KIRREL3: variants seen among roughly 807,000 people sequenced by gnomAD.
KIRREL3 encodes kirre like nephrin family adhesion molecule 3.
KIRREL3 carries 36 observed loss-of-function variants against 89.7 expected under a neutral mutation model. The observed-to-expected ratio is 0.40, with a 90% CI of 0.31 to 0.53. KIRREL3 has a LOEUF of 0.53. Ranked by LOEUF, KIRREL3 falls within the 20% of genes least tolerant of loss-of-function variation. The probability of loss-of-function intolerance (pLI) is 0.49; values close to 1 mark genes in which losing one functional copy is unlikely to be tolerated. For missense variants in KIRREL3, 864 were observed against 1,056.6 expected (o/e 0.82, Z 2.53); for synonymous variants, 445 against 441.4 (o/e 1.01, Z -0.10).
chr11:126,662,908 T>TTC (rs1311190382), intron 1 of KIRREL3, among the ~76,000 whole-genome samples: 17 of 137,726 alleles, frequency 1.2e-4, no homozygotes, highest in African/African-American at 4.1e-4. Context: ...AGTCCTTTCT[T>TTC]TTTTTTTTTT....
chr11:126,456,439 T>C lies in KIRREL3; in HGVS notation c.758A>G (p.Asn253Ser), dbSNP rs913446673. ...TIDIQHPPLV[N>S]LSVEPQPVLE... ...CACTGGCTGTGGCTCCACCGAGAGG[T>C]TGACCAGTGGAGGGTCTGCAGGGAG... is the stretch of plus-strand genomic sequence containing the variant. Residue 253 changes from asparagine (N) to serine (S), a missense_variant, in exon 7 of 17, where the codon AAC becomes AGC. Asn to Ser is a conservative substitution (Grantham distance 46). Transcript: ENST00000525144. The C allele has an allele frequency of 5.7e-6, 9 of 1,574,542 alleles. No individual in the cohort carries two copies. The highest frequency in any genetic ancestry group is 1.2e-5 in the South Asian group (1 of 85,448).
At chr11:126,470,567 C>G (rs181576137) in intron 5 of KIRREL3, among the ~76,000 whole-genome samples, 1 of 152,216 alleles carries the variant, frequency 6.6e-6, no homozygotes, top group African/African-American at 2.4e-5. Flanking sequence ...CTCACATCCT[C>G]GGATGACCAA....
At chr11:126,698,880 G>A (rs1947203189) in intron 1 of KIRREL3, among the ~76,000 whole-genome samples, 1 of 152,238 alleles carries the variant, frequency 6.6e-6, no homozygotes, top group Non-Finnish European at 1.5e-5. Context: ...CCAAGTCACT[G>A]CCCTTCGTGC....
In KIRREL3 at chr11:126,749,746, A is replaced by G. The variant is rs188739216; in HGVS notation, c.56-186834T>C. Among the ~76,000 whole-genome samples the G allele has an allele frequency of 5.1e-3, 783 of 152,244 alleles. 6 individuals are homozygous for G. Among genetic ancestry groups the G allele is most frequent in the African/African-American group, 0.017 (713 of 41,538 alleles). ...CAAATATTAAGGGGTGGAGGTGAGG[A>G]AGGTGAAAGTGACTGCTGTGATCAT... On this transcript the variant is annotated intron_variant, in intron 1 of 16. Transcript: ENST00000525144.
chr11:126,662,277 T>C (rs1450168623), intron 1 of KIRREL3, among the ~76,000 whole-genome samples: 1 of 152,150 alleles, frequency 6.6e-6, no homozygotes, highest in African/African-American at 2.4e-5. Context: ...GTAAATGACT[T>C]TGGGGAGTCT....
chr11:126,880,683 T>C (rs1321664306), intron 1 of KIRREL3, among the ~76,000 whole-genome samples: 19 of 151,982 alleles, frequency 1.3e-4, no homozygotes, highest in African/African-American at 3.6e-4. Flanking sequence ...GCACTGCATG[T>C]TTACACTTAG....
Position 126,755,480 on chromosome 11 carries a change from CT to C in KIRREL3, c.56-192569del, listed in dbSNP as rs1949462215. On this transcript the variant is annotated intron_variant, in intron 1 of 16. Transcript: ENST00000525144. The surrounding 1 kb of genome is among the most constrained non-coding windows in gnomAD (Gnocchi z 4.3). Reference sequence around the variant, plus strand: ...ACTCTGATGCGAAATGAGAACCGGACTGGATAAAGCCACCTCTTCCCATTGC... The same window carrying C: ...ACTCTGATGCGAAATGAGAACCGGACGGATAAAGCCACCTCTTCCCATTGC... Among the ~76,000 whole-genome samples, 1 of 152,152 alleles carries C rather than the reference CT, an allele frequency of 6.6e-6. No homozygotes were observed. Among genetic ancestry groups the C allele is most frequent in the African/African-American group, 2.4e-5 (1 of 41,428 alleles).
At chr11:126,831,759 T>C (rs1565335586) in intron 1 of KIRREL3, among the ~76,000 whole-genome samples, 1 of 152,160 alleles carries the variant, frequency 6.6e-6, no homozygotes, top group Non-Finnish European at 1.5e-5. Context: ...GGGATCCTAA[T>C]GCCTTTCTAT....
At chr11:126,554,502 C>T (rs1939552838) in intron 2 of KIRREL3, among the ~76,000 whole-genome samples, 1 of 152,162 alleles carries the variant, frequency 6.6e-6, no homozygotes, top group African/African-American at 2.4e-5. Context: ...TTCCTCCTCT[C>T]CAGGTGACTG....
rs1039008447 is a variant in KIRREL3 at position 126,993,989 on chromosome 11, C to T, written c.55+6466G>A. On this transcript the variant is annotated intron_variant, in intron 1 of 16. Transcript: ENST00000525144. This position sits in a 1 kb window ranked among gnomAD's most constrained non-coding sequence, Gnocchi z 6.1. ...ACCATCTAGATAATTCAGCATGATG[C>T]GCACACATCCTTTCTTATACTGACA... 1.3e-5 allele frequency among the ~76,000 whole-genome samples: 2 copies of T among 152,078 alleles called. No individual in the cohort carries two copies. The highest frequency in any genetic ancestry group is 4.8e-5 in the African/African-American group (2 of 41,390).
chr11:126,857,257 C>T (rs1944549156), intron 1 of KIRREL3, among the ~76,000 whole-genome samples: 1 of 152,230 alleles, frequency 6.6e-6, no homozygotes, highest in Non-Finnish European at 1.5e-5. Flanking sequence ...GTGTGCCTTG[C>T]TCCAATGGAC....
chr11:126,756,465 T>TATGGCA, intron 1 of KIRREL3, among the ~76,000 whole-genome samples: 1 of 152,280 alleles, frequency 6.6e-6, no homozygotes, highest in South Asian at 2.1e-4. Flanking sequence ...CCCATGCCAG[T>TATGGCA]ATGGCAGGTC....
chr11:126,457,185 A>ATGTGTGTGTGTGTGTGTGTGTG (rs35883463), intron 6 of KIRREL3, among the ~76,000 whole-genome samples: 2 of 142,928 alleles, frequency 1.4e-5, no homozygotes, highest in Admixed American at 6.9e-5. Context: ...AAGAGAGATT[A>ATGTGTGTGTGTGTGTGTGTGTG]TGTGTGTGTG....
intron 1 of KIRREL3, among the ~76,000 whole-genome samples, chr11:126,889,504 A>G (rs1456191836): frequency 6.6e-6 from 1 of 152,170 alleles, no homozygotes; most frequent in Admixed American, 6.5e-5. Flanking sequence ...TTCTTGGAAA[A>G]AAAAAGGAGA....
At position 126,471,387 on chromosome 11, in the gene KIRREL3, TAAATA is replaced by T. The variant is rs1956887590; in HGVS notation, c.591+1917_591+1921del. On this transcript the variant is annotated intron_variant, in intron 5 of 16. Coordinates refer to ENST00000525144, the MANE Select transcript of KIRREL3 (RefSeq NM_032531.4). The surrounding 1 kb of genome is among the most constrained non-coding windows in gnomAD (Gnocchi z 5.4). ...CTCTGTCTCAAAATAAATAAATAAA[TAAATA>T]AAATAAATAAAAAATAAAAAAAGAA... is the stretch of plus-strand genomic sequence containing the variant. 6.8e-6 allele frequency among the ~76,000 whole-genome samples: 1 copy of T among 146,170 alleles called. No homozygotes were observed. Among genetic ancestry groups the T allele is most frequent in the Non-Finnish European group, 1.5e-5 (1 of 66,374 alleles).
chr11:126,819,617 G>T lies in KIRREL3; in HGVS notation c.55+180838C>A, dbSNP rs1943138834. Among the ~76,000 whole-genome samples, 4 of 152,192 alleles carry T rather than the reference G, an allele frequency of 2.6e-5. No individual in the cohort carries two copies. The South Asian group carries it at 8.3e-4, about 31-fold the overall frequency. On this transcript the variant is annotated intron_variant, in intron 1 of 16. Coordinates refer to ENST00000525144, the MANE Select transcript of KIRREL3 (RefSeq NM_032531.4). ...CGATGGCATTAGGTGCTTTGGGCGG[G>T]GCTCAGGCCAGACTTTGCAAGACAC...
At chr11:126,470,307 T>C (rs1292900877) in intron 5 of KIRREL3, among the ~76,000 whole-genome samples, 2 of 152,176 alleles carry the variant, frequency 1.3e-5, no homozygotes, top group Non-Finnish European at 1.5e-5. Flanking sequence ...TGGACAACTC[T>C]CTCTCTGTGT....
At position 126,761,561 on chromosome 11, in the gene KIRREL3, G is replaced by T. The variant is rs1181160460; in HGVS notation, c.56-198649C>A. ...TGTCAAGATTAGTAAACAGGAAGAGGATTTGGAAGCTAAATGCATGCCTAA... is the reference window on the plus strand; with the variant it reads ...TGTCAAGATTAGTAAACAGGAAGAGTATTTGGAAGCTAAATGCATGCCTAA... On this transcript the variant is annotated intron_variant, in intron 1 of 16. Coordinates refer to ENST00000525144, the MANE Select transcript of KIRREL3 (RefSeq NM_032531.4). This position sits in a 1 kb window ranked among gnomAD's most constrained non-coding sequence, Gnocchi z 4.4. 6.6e-6 allele frequency among the ~76,000 whole-genome samples: 1 copy of T among 152,258 alleles called. No individual in the cohort carries two copies. The highest frequency in any genetic ancestry group is 1.5e-5 in the Non-Finnish European group (1 of 68,038).
intron 2 of KIRREL3, among the ~76,000 whole-genome samples, chr11:126,554,101 G>A (rs534652579): frequency 6.6e-6 from 1 of 152,266 alleles, no homozygotes; most frequent in South Asian, 2.1e-4. Context: ...GCCTGAGAGT[G>A]TCTTGTCCTT....
Sources: gnomAD v4.1 joint callset for allele counts (sites outside exome capture counted in the v4.1 genomes callset) on GRCh38, gnomAD v4.1.1 for gene constraint, Gnocchi (gnomAD v3.1) non-coding constraint, MANE v1.5 for transcripts, NCBI Gene and HGNC (gene_info 2026-07-23, HGNC 2026-07-21) for gene names.